Variants in GPD2 observed in about 807,000 individuals in gnomAD.
GPD2 encodes glycerol-3-phosphate dehydrogenase 2.
In GPD2, 54 loss-of-function variants were observed where a neutral mutation model predicts 82.4. The observed-to-expected ratio is 0.66, with a 90% confidence interval of 0.53 to 0.82. The LOEUF (loss-of-function observed/expected upper bound fraction) is 0.82. GPD2 is among the 40% of genes least tolerant of loss of function. The pLI, the probability that GPD2 is intolerant of heterozygous loss-of-function variation, is 0.00. For missense variants in GPD2, 748 were observed against 896.2 expected, an observed-to-expected ratio of 0.83 and a Z score of 2.11; for synonymous variants, 288 against 306.1, an observed-to-expected ratio of 0.94 and a Z score of 0.62.
chr2:156,506,741 A>G (rs1268572748), intron 3 of GPD2, among the ~76,000 whole-genome samples: 27 of 152,082 alleles, frequency 1.8e-4, no homozygotes, highest in Admixed American at 1.8e-3. Flanking sequence ...TCCTGCCTCC[A>G]GTCCTACCTC....
intron 8 of GPD2, among the ~76,000 whole-genome samples, chr2:156,551,458 G>A (rs1395485088): frequency 6.6e-6 from 1 of 152,084 alleles, no homozygotes; most frequent in Non-Finnish European, 1.5e-5. Flanking sequence ...ACATTTTAAG[G>A]TATTTATAGA....
chr2:156,549,796 G>A (rs1352042703), intron 7 of GPD2, 24 bp downstream of exon 7: 1 of 1,573,864 alleles, frequency 6.4e-7, no homozygotes, highest in Admixed American at 1.7e-5. Flanking sequence ...CTGGGAGGGA[G>A]GTATTTCTTA....
intron 9 of GPD2, among the ~76,000 whole-genome samples, chr2:156,568,357 G>C (rs1687466470): frequency 6.6e-6 from 1 of 152,066 alleles, no homozygotes. Context: ...GATGAGGGGA[G>C]AAAATATAAT....
At chr2:156,478,785 A>G (rs575568465) in intron 2 of GPD2, among the ~76,000 whole-genome samples, 1 of 152,206 alleles carries the variant, frequency 6.6e-6, no homozygotes, top group Non-Finnish European at 1.5e-5. Context: ...GTGATGTTTA[A>G]GTATTGGCTT....
intron 9 of GPD2, 100 bp from the exon 10 acceptor site, chr2:156,568,723 CAT>C (rs1004589262): frequency 3.3e-5 from 32 of 966,676 alleles, no homozygotes; most frequent in Middle Eastern, 3.1e-4. Flanking sequence ...AAAGTGCACA[CAT>C]GTGTATTCCT....
the GPD2 span, among the ~76,000 whole-genome samples, chr2:156,416,514 G>GTTTTTTTT: frequency 1.7e-5 from 2 of 117,926 alleles, no homozygotes; most frequent in African/African-American, 3.2e-5. Context: ...TGCCCAGCTA[G>GTTTTTTTT]TTTTTTTTTT....
At chr2:156,544,831 C>T (rs1041548231) in intron 6 of GPD2, among the ~76,000 whole-genome samples, 7 of 152,158 alleles carry the variant, frequency 4.6e-5, no homozygotes, top group African/African-American at 1.7e-4. Flanking sequence ...AAAGTTGCAA[C>T]TCAGTCATTC....
At chr2:156,509,618 A>C (rs887848448) in intron 3 of GPD2, among the ~76,000 whole-genome samples, 1 of 152,030 alleles carries the variant, frequency 6.6e-6, no homozygotes, top group African/African-American at 2.4e-5. Context: ...GGTCATCTCC[A>C]GTCCTGAAGA....
At position 156,538,913 on chromosome 2, in the gene GPD2, A is replaced by G. The variant is rs371503265; in HGVS notation, c.662-10695A>G. Among the ~76,000 whole-genome samples, 3 of 152,098 alleles carry G rather than the reference A, an allele frequency of 2.0e-5. No individual in the cohort carries two copies. The South Asian group carries it at 6.2e-4, about 32-fold the overall frequency. Reference sequence around the variant, plus strand: ...TGGTCTAAACTATAGCTTAAAAAACAATATCTGTTAAAGATATCTTTGTCA... The same window carrying G: ...TGGTCTAAACTATAGCTTAAAAAACGATATCTGTTAAAGATATCTTTGTCA... On this transcript the variant is annotated intron_variant, in intron 6 of 16. Coordinates refer to ENST00000438166, the MANE Select transcript of GPD2 (RefSeq NM_000408.5).
At chr2:156,437,178 C>G (rs1244436438) in intron 1 of GPD2, among the ~76,000 whole-genome samples, 1 of 152,136 alleles carries the variant, frequency 6.6e-6, no homozygotes. Context: ...AAATCACACA[C>G]AACACATTAT....
At chr2:156,472,318 T>G (rs912186793) in intron 1 of GPD2, among the ~76,000 whole-genome samples, 5 of 152,102 alleles carry the variant, frequency 3.3e-5, no homozygotes, top group African/African-American at 1.2e-4. Context: ...ACAAAGTTCT[T>G]TTTTAAATTT....
the GPD2 span, among the ~76,000 whole-genome samples, chr2:156,407,376 T>A: frequency 2.0e-5 from 3 of 152,258 alleles, no homozygotes; most frequent in Non-Finnish European, 4.4e-5. Flanking sequence ...CATACTGTTA[T>A]GCTCATATCC....
At chr2:156,517,073 C>G (rs1230289986) in intron 6 of GPD2, among the ~76,000 whole-genome samples, 1 of 152,190 alleles carries the variant, frequency 6.6e-6, no homozygotes, top group Non-Finnish European at 1.5e-5. Flanking sequence ...AGTTTGTTCT[C>G]CCACAGAAGT....
chr2:156,509,510 A>G (rs1230846941), intron 3 of GPD2, among the ~76,000 whole-genome samples: 1 of 152,120 alleles, frequency 6.6e-6, no homozygotes, highest in Non-Finnish European at 1.5e-5. Context: ...GTTCCAGGCC[A>G]TGAAAACTCC....
the GPD2 span, among the ~76,000 whole-genome samples, chr2:156,423,177 G>A: frequency 6.6e-6 from 1 of 152,172 alleles, no homozygotes; most frequent in African/African-American, 2.4e-5. Context: ...GGTTTTGAAT[G>A]ATCTGATTCA....
Position 156,553,439 on chromosome 2 carries a change from A to G in GPD2, c.971+2693A>G, listed in dbSNP as rs16840470. On this transcript the variant is annotated intron_variant, in intron 8 of 16. Coordinates refer to ENST00000438166, the MANE Select transcript of GPD2 (RefSeq NM_000408.5). ...GAGATTTTTTAATATAGAGAATTCA[A>G]ACTATGAAAATAAAACATGATTCTT... 2.8e-3 allele frequency among the ~76,000 whole-genome samples: 419 copies of G among 152,330 alleles called. 3 individuals carry two copies. The highest frequency in any genetic ancestry group is 9.8e-3 in the African/African-American group (406 of 41,582).
At chr2:156,400,785 G>A in the GPD2 span, among the ~76,000 whole-genome samples, 2 of 152,238 alleles carry the variant, frequency 1.3e-5, no homozygotes, top group African/African-American at 2.4e-5. Flanking sequence ...GTAGCTCAGT[G>A]GTAGAGCGCG....
At position 156,501,419 on chromosome 2, in the gene GPD2, A is replaced by G. The variant is rs115837401; in HGVS notation, c.274+5204A>G. On this transcript the variant is annotated intron_variant, in intron 3 of 16. Transcript: ENST00000438166. ...GGGTCATGTCTTGGCTTCATTGCTT[A>G]CTACCTCTGTGACCTTCGACAAGTG... Among the ~76,000 whole-genome samples the G allele has an allele frequency of 2.4e-3, 363 of 152,332 alleles. 4 individuals are homozygous for G. The highest frequency in any genetic ancestry group is 7.7e-3 in the African/African-American group (321 of 41,580).
chr2:156,426,463 A>G, the GPD2 span, among the ~76,000 whole-genome samples: 1 of 152,212 alleles, frequency 6.6e-6, no homozygotes, highest in East Asian at 1.9e-4. Context: ...TGCATGATTC[A>G]ATTACCTTCA....
Sources: gnomAD v4.1 joint callset for allele counts (sites outside exome capture counted in the v4.1 genomes callset) on GRCh38, gnomAD v4.1.1 for gene constraint, MANE v1.5 for transcripts, NCBI Gene and HGNC (gene_info 2026-07-23, HGNC 2026-07-21) for gene names.